The following TMEM164 variants were observed in gnomAD, a reference collection of about 807,000 sequenced individuals.
TMEM164 encodes RP13-360B22.2.
TMEM164 carries 4 observed loss-of-function variants against 18.8 expected under a neutral mutation model. The ratio of observed to expected loss-of-function variants is 0.21; its 90% CI spans 0.10 to 0.49. The LOEUF (loss-of-function observed/expected upper bound fraction) is 0.49. Ranked by LOEUF, TMEM164 falls within the 20% of genes least tolerant of loss-of-function variation. The pLI, the probability that TMEM164 is intolerant of heterozygous loss-of-function variation, is 0.98. For synonymous variants in TMEM164, 86 were observed against 101.7 expected (o/e 0.85, Z 0.93); for missense variants, 108 against 239.9 (o/e 0.45, Z 3.63).
At chrX:110,129,258 T>C (rs1218026677) in intron 4 of TMEM164, among the ~76,000 whole-genome samples, 1 of 112,916 alleles carries the variant, frequency 8.9e-6, no homozygotes, top group Admixed American at 9.4e-5. Context: ...TGAGAGTAGA[T>C]TTTCCTTATC....
intron 2 of TMEM164, among the ~76,000 whole-genome samples, chrX:110,021,562 G>C (rs903111436): frequency 3.6e-5 from 4 of 111,506 alleles, no homozygotes; most frequent in Non-Finnish European, 7.5e-5. Context: ...TCAGTGCTGA[G>C]CTGCAGAGGG....
At chrX:110,061,789 CAG>C (rs1936133583) in intron 2 of TMEM164, among the ~76,000 whole-genome samples, 1 of 111,130 alleles carries the variant, frequency 9.0e-6, no homozygotes, top group Non-Finnish European at 1.9e-5. Context: ...ATGAAATCAC[CAG>C]AATGGGCGTT....
intron 2 of TMEM164, among the ~76,000 whole-genome samples, chrX:110,024,173 G>C (rs907405617): frequency 4.4e-5 from 5 of 112,676 alleles, no homozygotes; most frequent in Non-Finnish European, 9.4e-5. Flanking sequence ...TAGTTAGCCA[G>C]TTACACACTG....
At chrX:110,107,233 T>C (rs890283918) in intron 3 of TMEM164, among the ~76,000 whole-genome samples, 8 of 111,551 alleles carry the variant, frequency 7.2e-5, no homozygotes, top group Non-Finnish European at 1.5e-4. Flanking sequence ...ATATAAGAGT[T>C]TGGGGTCTGG....
intron 5 of TMEM164, among the ~76,000 whole-genome samples, chrX:110,145,430 C>A (rs1347715248): frequency 1.8e-5 from 2 of 111,130 alleles, no homozygotes; most frequent in Non-Finnish European, 3.8e-5. Context: ...GTAGAGGCAG[C>A]CTGGAAAGGA....
At chrX:110,038,201 C>T (rs1339899732) in intron 2 of TMEM164, among the ~76,000 whole-genome samples, 4 of 110,344 alleles carry the variant, frequency 3.6e-5, no homozygotes, top group East Asian at 5.7e-4. Flanking sequence ...CCGTTTTAGC[C>T]GGGATGGTCT....
At chrX:110,037,050 G>A (rs1934838847) in intron 2 of TMEM164, among the ~76,000 whole-genome samples, 2 of 111,149 alleles carry the variant, frequency 1.8e-5, no homozygotes, top group African/African-American at 6.6e-5. Context: ...GTGACCCACA[G>A]TAACATTGAC....
chrX:110,157,448 C>G (rs976872872), intron 5 of TMEM164, among the ~76,000 whole-genome samples: 1 of 111,573 alleles, frequency 9.0e-6, no homozygotes, highest in African/African-American at 3.3e-5. Context: ...CCTTTCTCCC[C>G]CTCCCTTTCT....
intron 4 of TMEM164, among the ~76,000 whole-genome samples, 179 bp downstream of exon 4, chrX:110,109,325 C>G (rs2066258837): frequency 1.8e-5 from 2 of 111,863 alleles, no homozygotes; most frequent in African/African-American, 6.5e-5. Flanking sequence ...TGAGACCAGT[C>G]TGGCCGACAT....
downstream of TMEM164, among the ~76,000 whole-genome samples, chrX:110,178,584 TCTC>T (rs1416782714): frequency 8.9e-6 from 1 of 112,248 alleles, no homozygotes; most frequent in East Asian, 2.8e-4. Context: ...TGCAGGTGGA[TCTC>T]CTCATTTGCC....
At chrX:110,117,028 G>A (rs1024750397) in intron 4 of TMEM164, among the ~76,000 whole-genome samples, 1 of 111,275 alleles carries the variant, frequency 9.0e-6, no homozygotes. Flanking sequence ...ATTTCATAAA[G>A]CTATTGTGAG....
At chrX:110,027,303 C>G (rs1934241778) in intron 2 of TMEM164, among the ~76,000 whole-genome samples, 1 of 111,729 alleles carries the variant, frequency 9.0e-6, no homozygotes, top group Non-Finnish European at 1.9e-5. Context: ...GATCATATTG[C>G]TTTTGTTCTT....
intron 3 of TMEM164, among the ~76,000 whole-genome samples, chrX:110,079,763 T>G (rs1363911188): frequency 9.4e-6 from 1 of 106,624 alleles, no homozygotes; most frequent in Non-Finnish European, 1.9e-5. Flanking sequence ...GTAGGTAGTC[T>G]GCCACTGCAG....
chrX:110,092,291 A>G (rs1405930188), intron 3 of TMEM164, among the ~76,000 whole-genome samples: 1 of 111,715 alleles, frequency 9.0e-6, no homozygotes, highest in East Asian at 2.8e-4. Flanking sequence ...TCTATAAATT[A>G]CCTTGGGCAG....
At chrX:110,127,655 G>A (rs772010458) in intron 4 of TMEM164, among the ~76,000 whole-genome samples, 22 of 112,088 alleles carry the variant, frequency 2.0e-4, no homozygotes, top group Non-Finnish European at 3.8e-4. Flanking sequence ...TCACTAACTC[G>A]GCCCCACAGT....
chrX:110,028,366 T>A (rs1478697237), intron 2 of TMEM164, among the ~76,000 whole-genome samples: 1 of 112,465 alleles, frequency 8.9e-6, no homozygotes, highest in African/African-American at 3.2e-5. Context: ...CTGCTTATTT[T>A]AAAAATCTGT....
intron 3 of TMEM164, among the ~76,000 whole-genome samples, chrX:110,091,157 A>T (rs1414433882): frequency 3.6e-5 from 4 of 112,068 alleles, no homozygotes; most frequent in South Asian, 7.3e-4. Context: ...GAATAGTGCC[A>T]CAATAAACAT....
At chrX:110,144,907 C>T (rs754414494) in intron 5 of TMEM164, 31 bp downstream of exon 5, 20 of 1,106,325 alleles carry the variant, frequency 1.8e-5, no homozygotes, top group Non-Finnish European at 2.5e-5. Flanking sequence ...TCCTATGTAA[C>T]CCCCACACCT....
intron 3 of TMEM164, among the ~76,000 whole-genome samples, chrX:110,104,774 G>A (rs1205258514): frequency 9.0e-6 from 1 of 111,565 alleles, no homozygotes. Context: ...ATCTCAGTAA[G>A]GCTTCTGGTC....
Sources: gnomAD v4.1 joint callset for allele counts (sites outside exome capture counted in the v4.1 genomes callset) on GRCh38, gnomAD v4.1.1 for gene constraint, MANE v1.5 for transcripts, NCBI Gene and HGNC (gene_info 2026-07-23, HGNC 2026-07-21) for gene names.